The following GNG2 variants were observed in gnomAD, a reference collection of about 807,000 sequenced individuals.
The protein encoded by GNG2 is guanine nucleotide-binding protein G(I)/G(S)/G(O) subunit gamma-2.
Under a neutral mutation model 5.5 loss-of-function variants are expected in GNG2, and 5 were observed. That is an observed-to-expected ratio of 0.91 (90% CI 0.48 to 1.92). GNG2 has a LOEUF of 1.92. GNG2 is among the 30% of genes most tolerant of loss of function. GNG2 has a pLI of 0.01. For missense variants in GNG2, 55 were observed against 88.4 expected (o/e 0.62, Z 1.52); for synonymous variants, 28 against 32.0 (o/e 0.88, Z 0.42).
At chr14:51,902,721 G>C (rs1469186559) in intron 2 of GNG2, among the ~76,000 whole-genome samples, 1 of 151,996 alleles carries the variant, frequency 6.6e-6, no homozygotes, top group African/African-American at 2.4e-5. Flanking sequence ...GAGAGACACT[G>C]TCTGTACAAA....
At position 51,968,293 on chromosome 14, in the gene GNG2, C is replaced by G. The variant is rs1048839650; in HGVS notation, c.*1606C>G. The G allele has an allele frequency of 6.6e-6, 1 of 151,890 alleles. No homozygotes were observed. Among genetic ancestry groups the G allele is most frequent in the Non-Finnish European group, 1.5e-5 (1 of 67,978 alleles). The allele number at this position is 151,890 out of a possible 1,614,324, so 9.4% of individuals were successfully genotyped here. On this transcript the variant is annotated 3_prime_UTR_variant, in exon 4 of 4. Transcript: ENST00000556766. ...TTACATCTTGTTTGCTTTCAAATCC[C>G]CAAATATCATCTCCATCTCCCAATT...
At chr14:51,945,519 AG>A (rs1275083921) in intron 2 of GNG2, among the ~76,000 whole-genome samples, 1 of 66,090 alleles carries the variant, frequency 1.5e-5, no homozygotes, top group African/African-American at 4.1e-5. Context: ...GGTGGCTGCC[AG>A]GGGTTGAGGG....
At chr14:51,920,623 T>C (rs1260468804) in intron 2 of GNG2, among the ~76,000 whole-genome samples, 1 of 152,174 alleles carries the variant, frequency 6.6e-6, no homozygotes, top group Non-Finnish European at 1.5e-5. Context: ...AGACTGACTT[T>C]GGAGAGAATT....
intron 3 of GNG2, among the ~76,000 whole-genome samples, chr14:51,952,382 T>G (rs1566711022): frequency 2.0e-5 from 3 of 152,218 alleles, no homozygotes; most frequent in Admixed American, 1.3e-4. Flanking sequence ...TTTTCTTGCT[T>G]CTTCTTTTTC....
At chr14:51,857,800 T>C (rs1221347692), upstream of GNG2, among the ~76,000 whole-genome samples, 1 of 152,140 alleles carries the variant, frequency 6.6e-6, no homozygotes, top group Admixed American at 6.5e-5. Flanking sequence ...GGGCAACTGG[T>C]TTGTATTCCT....
intron 3 of GNG2, 138 bp from the exon 4 acceptor site, chr14:51,966,421 G>C (rs1247349036): frequency 1.4e-6 from 1 of 728,346 alleles, no homozygotes; most frequent in Non-Finnish European, 2.4e-6. Context: ...TTGCAGATGA[G>C]GAAGCAGAAG....
chr14:51,870,639 G>C (rs771646773), intron 1 of GNG2, among the ~76,000 whole-genome samples: 1 of 152,176 alleles, frequency 6.6e-6, no homozygotes, highest in Non-Finnish European at 1.5e-5. Flanking sequence ...GTTGATTACA[G>C]TACCTGTAAA....
intron 1 of GNG2, among the ~76,000 whole-genome samples, 196 bp downstream of exon 1, chr14:51,860,986 T>G (rs1882437114): frequency 6.6e-6 from 1 of 152,090 alleles, no homozygotes; most frequent in Admixed American, 6.6e-5. Context: ...TCATCATCAG[T>G]GCTTAGATTT....
intron 2 of GNG2, among the ~76,000 whole-genome samples, chr14:51,849,442 G>A (rs1193423009): frequency 6.6e-6 from 1 of 152,168 alleles, no homozygotes; most frequent in Non-Finnish European, 1.5e-5. Flanking sequence ...AACAGTAGAA[G>A]CCAAGAAATA....
intron 2 of GNG2, among the ~76,000 whole-genome samples, chr14:51,850,759 A>G (rs1881869554): frequency 6.6e-6 from 1 of 152,228 alleles, no homozygotes; most frequent in African/African-American, 2.4e-5. Context: ...AAGAGGGTTC[A>G]GGCACATCAC....
At chr14:51,850,671 C>G (rs890219676) in intron 2 of GNG2, among the ~76,000 whole-genome samples, 1 of 152,220 alleles carries the variant, frequency 6.6e-6, no homozygotes, top group African/African-American at 2.4e-5. Context: ...ATTCTGCAGT[C>G]TGAACAGGAA....
chr14:51,938,618 C>T (rs1223790834), intron 2 of GNG2, among the ~76,000 whole-genome samples: 1 of 152,208 alleles, frequency 6.6e-6, no homozygotes. Context: ...TCTCCTGGCA[C>T]ATGTTTTCTC....
At chr14:51,898,590 C>T (rs1323050956) in intron 2 of GNG2, among the ~76,000 whole-genome samples, 2 of 152,198 alleles carry the variant, frequency 1.3e-5, no homozygotes, top group Non-Finnish European at 2.9e-5. Flanking sequence ...AACAAACAAA[C>T]AGCCACAAAG....
chr14:51,835,925 A>G (rs922092527), intron 2 of GNG2, among the ~76,000 whole-genome samples: 1 of 152,040 alleles, frequency 6.6e-6, no homozygotes, highest in Admixed American at 6.6e-5. Flanking sequence ...ACAGGGAAAC[A>G]TATATTATAA....
rs34240079 is a variant in GNG2, at chr14:51,906,757, C to CTTTTTTTTTT, written c.-30+29107_-30+29116dup. On this transcript the variant is annotated intron_variant, in intron 2 of 3. Transcript: ENST00000556766. ...TTGCATGCAGCCTGCTGGAGAATCT[C>CTTTTTTTTTT]TTTTTTTTTTTTTTTTGAGACGGAG... Among the ~76,000 whole-genome samples, 57 of 105,300 alleles carry CTTTTTTTTTT rather than the reference C, an allele frequency of 5.4e-4. 8 individuals carry two copies. The highest frequency in any genetic ancestry group is 1.0e-3 in the East Asian group (3 of 2,932). The allele number at this position is 105,300 out of a possible 152,430, so 69.1% of individuals were successfully genotyped here.
intron 1 of GNG2, chr14:51,861,417 T>C (rs1381482873): frequency 6.6e-6 from 1 of 152,200 alleles, no homozygotes; most frequent in Admixed American, 6.5e-5. Flanking sequence ...AGTTGCATCC[T>C]TGTTCAAAGG....
chr14:51,880,978 A>C (rs893867431), intron 2 of GNG2, among the ~76,000 whole-genome samples: 1 of 147,134 alleles, frequency 6.8e-6, no homozygotes, highest in African/African-American at 2.7e-5. Flanking sequence ...AAAAAAAAAA[A>C]AAAAAAAAAA....
At chr14:51,917,347 T>C in intron 2 of GNG2, 1 of 455,750 alleles carries the variant, frequency 2.2e-6, no homozygotes. Context: ...GCCCCAAGTG[T>C]AAAGCACAAG....
intron 2 of GNG2, among the ~76,000 whole-genome samples, chr14:51,836,605 T>C (rs1010840700): frequency 6.6e-6 from 1 of 152,070 alleles, no homozygotes; most frequent in Non-Finnish European, 1.5e-5. Context: ...CAAGCACCAG[T>C]ATGCCATTTA....
Sources: gnomAD v4.1 joint callset for allele counts (sites outside exome capture counted in the v4.1 genomes callset) on GRCh38, gnomAD v4.1.1 for gene constraint, MANE v1.5 for transcripts, NCBI Gene and HGNC (gene_info 2026-07-23, HGNC 2026-07-21) for gene names.